ODR4: variants seen among roughly 807,000 people sequenced by gnomAD.
ODR4 encodes the protein odr-4 GPCR localization factor homolog.
Under a neutral mutation model 60.2 loss-of-function variants are expected in ODR4, and 47 were observed. The ratio of observed to expected loss-of-function variants is 0.78; its 90% CI spans 0.62 to 1.00. The LOEUF (loss-of-function observed/expected upper bound fraction) is 1.00. Among genes scored for constraint, ODR4 ranks in the 50% least tolerant of loss-of-function variants. The probability of loss-of-function intolerance (pLI) is 0.00; values close to 1 mark genes in which losing one functional copy is unlikely to be tolerated. For missense variants in ODR4, 488 were observed against 530.8 expected (o/e 0.92, Z 0.79); for synonymous variants, 178 against 175.5 (o/e 1.01, Z -0.11).
In ODR4 at chr1:186,419,800, A is replaced by G. The variant is rs997007483; in HGVS notation, c.*724A>G. ...CATCTTAATAATAGAGCACCAGAAA[A>G]ATTTCTACCAAATGAGACAACAACT... On this transcript the variant is annotated 3_prime_UTR_variant, in exon 14 of 14. Coordinates refer to ENST00000287859, the MANE Select transcript of ODR4 (RefSeq NM_017847.6). 4.6e-5 allele frequency: 7 copies of G among 152,118 alleles called. No individual in the cohort carries two copies. Among genetic ancestry groups the G allele is most frequent in the African/African-American group, 1.7e-4 (7 of 41,422 alleles). 9.4% of individuals were successfully genotyped at this position (152,118 alleles called of 1,614,324 possible). A position where few individuals can be genotyped will look rare whatever the true frequency, so the allele number is the denominator to read the frequency against.
the ODR4 span, among the ~76,000 whole-genome samples, chr1:186,434,756 G>A: frequency 6.6e-6 from 1 of 152,124 alleles, no homozygotes; most frequent in Non-Finnish European, 1.5e-5. Flanking sequence ...TATTATGTAA[G>A]TCTCTGTAAT....
the ODR4 span, among the ~76,000 whole-genome samples, chr1:186,431,399 T>C: frequency 6.6e-6 from 1 of 152,214 alleles, no homozygotes; most frequent in South Asian, 2.1e-4. Context: ...GCAATCTTTG[T>C]CTTCTCGGAT....
chr1:186,401,308 A>AG (rs1660936497), intron 11 of ODR4: 1 of 861,354 alleles, frequency 1.2e-6, no homozygotes, highest in African/African-American at 1.7e-5. Flanking sequence ...AAGGTGAAAA[A>AG]GTTTTTACTG....
downstream of ODR4, chr1:186,421,382 G>A (rs1162312581): frequency 1.3e-5 from 2 of 152,116 alleles, no homozygotes; most frequent in Non-Finnish European, 2.9e-5. Flanking sequence ...TTAATAATGT[G>A]GAATTTTTAA....
At chr1:186,383,237 A>T in intron 3 of ODR4, 81 bp downstream of exon 3, 1 of 1,418,020 alleles carries the variant, frequency 7.1e-7, no homozygotes, top group South Asian at 1.4e-5. Flanking sequence ...GAATGAGTAG[A>T]GAGAAGAGAC....
chr1:186,402,234 C>CTTT (rs1553236960), intron 11 of ODR4, among the ~76,000 whole-genome samples: 104 of 10,396 alleles, frequency 0.01, no homozygotes, highest in South Asian at 0.017. Context: ...TTCTTTCTTT[C>CTTT]CTTTCTTTCT....
In ODR4 at chr1:186,419,786, TA is replaced by T. The variant is rs1165488563; in HGVS notation, c.*711del. 6.6e-6 allele frequency: 1 copy of T among 152,066 alleles called. No individual in the cohort carries two copies. Among genetic ancestry groups the T allele is most frequent in the Admixed American group, 6.5e-5 (1 of 15,276 alleles). The allele number at this position is 152,066 out of a possible 1,614,324, so 9.4% of individuals were successfully genotyped here. On this transcript the variant is annotated 3_prime_UTR_variant, in exon 14 of 14. Transcript: ENST00000287859. ...GAATGTTGATGTAACATCTTAATAA[TA>T]GAGCACCAGAAAAATTTCTACCAAA...
intron 12 of ODR4, among the ~76,000 whole-genome samples, chr1:186,412,138 C>G (rs1247261820): frequency 1.3e-5 from 2 of 152,106 alleles, no homozygotes; most frequent in Admixed American, 1.3e-4. Context: ...TCCTGACTCT[C>G]AAGAAGCCCA....
intron 13 of ODR4, among the ~76,000 whole-genome samples, chr1:186,418,000 AAAC>A (rs1442841803): frequency 2.6e-5 from 4 of 152,202 alleles, no homozygotes; most frequent in African/African-American, 4.8e-5. Context: ...GTTCTATGAC[AAAC>A]AACGTTAAAT....
chr1:186,433,073 C>T, the ODR4 span, among the ~76,000 whole-genome samples: 4 of 152,012 alleles, frequency 2.6e-5, no homozygotes, highest in Admixed American at 1.3e-4. Flanking sequence ...TGTGAGCTAC[C>T]GCACCCGGCC....
chr1:186,378,252 G>C (rs1048805514), intron 1 of ODR4, among the ~76,000 whole-genome samples: 3 of 152,150 alleles, frequency 2.0e-5, no homozygotes, highest in African/African-American at 7.2e-5. Flanking sequence ...ATCTCTGGTA[G>C]CCTTAACTTT....
intron 3 of ODR4, among the ~76,000 whole-genome samples, chr1:186,384,937 G>A (rs760594184): frequency 6.6e-6 from 1 of 152,030 alleles, no homozygotes; most frequent in Non-Finnish European, 1.5e-5. Flanking sequence ...GTAATCAAAA[G>A]CTAACCAAAA....
At chr1:186,402,404 C>CT (rs975291500) in intron 11 of ODR4, among the ~76,000 whole-genome samples, 14 of 147,650 alleles carry the variant, frequency 9.5e-5, no homozygotes, top group East Asian at 2.0e-4. Flanking sequence ...TTTCTTCCTT[C>CT]TTTTTTTTAA....
rs1383329540 is a variant in ODR4, at chr1:186,391,794, A to G, written c.711+3A>G. 1 of 1,523,282 alleles carries G rather than the reference A, an allele frequency of 6.6e-7. No individual in the cohort carries two copies. The highest frequency in any genetic ancestry group is 9.0e-7 in the Non-Finnish European group (1 of 1,106,462). 94.4% of individuals were successfully genotyped at this position (1,523,282 alleles called of 1,614,324 possible). On this transcript the variant is annotated splice_donor_region_variant and intron_variant, in intron 8 of 13. Transcript: ENST00000287859. Reference sequence around the variant, plus strand: ...ATTGTGACCTATTAGAAGGACAGGTAAGTTAAGAGAAAATCATCTTATTAA... The same window carrying G: ...ATTGTGACCTATTAGAAGGACAGGTGAGTTAAGAGAAAATCATCTTATTAA...
chr1:186,426,974 T>TA, the ODR4 span, among the ~76,000 whole-genome samples: 4 of 152,042 alleles, frequency 2.6e-5, no homozygotes, highest in Admixed American at 2.0e-4. Flanking sequence ...ACTTTGCTGC[T>TA]AAAAATAAAA....
chr1:186,397,455 A>G (rs1558077691), intron 9 of ODR4, among the ~76,000 whole-genome samples: 2 of 151,920 alleles, frequency 1.3e-5, no homozygotes, highest in Non-Finnish European at 2.9e-5. Context: ...ATAGGCCTCT[A>G]TTACAGGTTG....
intron 12 of ODR4, 55 bp downstream of exon 12, chr1:186,406,323 T>A: frequency 7.6e-7 from 1 of 1,308,904 alleles, no homozygotes; most frequent in Non-Finnish European, 1.0e-6. Context: ...AGATTTTACC[T>A]ATGAGATGTC....
At chr1:186,379,948 C>T in intron 2 of ODR4, 64 bp downstream of exon 2, 2 of 976,480 alleles carry the variant, frequency 2.0e-6, no homozygotes, top group Non-Finnish European at 2.9e-6. Context: ...TTAAAAATTA[C>T]TTGTTGATTT....
At chr1:186,410,144 G>A (rs551314958) in intron 12 of ODR4, among the ~76,000 whole-genome samples, 1 of 152,234 alleles carries the variant, frequency 6.6e-6, no homozygotes, top group African/African-American at 2.4e-5. Context: ...TGATTCTTAG[G>A]AAACTACAGC....
Sources: gnomAD v4.1 joint callset for allele counts (sites outside exome capture counted in the v4.1 genomes callset) on GRCh38, gnomAD v4.1.1 for gene constraint, MANE v1.5 for transcripts, NCBI Gene and HGNC (gene_info 2026-07-23, HGNC 2026-07-21) for gene names.